The following NCK2 variants were observed in gnomAD, a reference collection of about 807,000 sequenced individuals.
NCK2 encodes cytoplasmic protein NCK2.
NCK2 carries 16 observed loss-of-function variants against 33.9 expected under a neutral mutation model. That is an observed-to-expected ratio of 0.47 (90% CI 0.32 to 0.72). NCK2 has a LOEUF of 0.72. NCK2 is among the 30% of genes least tolerant of loss of function. NCK2 has a pLI of 0.03. For synonymous variants in NCK2, 273 were observed against 239.9 expected, an observed-to-expected ratio of 1.14 and a Z score of -1.27; for missense variants, 418 against 537.3, an observed-to-expected ratio of 0.78 and a Z score of 2.19.
intron 1 of NCK2, among the ~76,000 whole-genome samples, chr2:105,786,323 A>G (rs1485324146): frequency 1.3e-5 from 2 of 152,250 alleles, no homozygotes; most frequent in African/African-American, 4.8e-5. Flanking sequence ...GGCTCTGAGC[A>G]CGGACTTGTT....
intron 3 of NCK2, among the ~76,000 whole-genome samples, chr2:105,878,390 G>A (rs1678321186): frequency 6.6e-6 from 1 of 152,172 alleles, no homozygotes; most frequent in Admixed American, 6.5e-5. Flanking sequence ...ACTGGGGTGG[G>A]CCCTCATCCA....
In NCK2 at chr2:105,793,995, C is replaced by T. The variant is rs539262549; in HGVS notation, c.-200-22435C>T. ...TTAAACATAATCTATTATAAATTCA[C>T]ATTGATACTTATAACTCAAAATTAG... is the stretch of plus-strand genomic sequence containing the variant. On this transcript the variant is annotated intron_variant, in intron 1 of 4. Coordinates refer to ENST00000233154, the MANE Select transcript of NCK2 (RefSeq NM_003581.5). Among the ~76,000 whole-genome samples, 12 of 150,710 alleles carry T rather than the reference C, an allele frequency of 8.0e-5. No homozygotes were observed. The South Asian group carries it at 2.5e-3, about 32-fold the overall frequency.
intron 1 of NCK2, among the ~76,000 whole-genome samples, chr2:105,794,917 A>G (rs1400189681): frequency 6.6e-6 from 1 of 151,582 alleles, no homozygotes; most frequent in Non-Finnish European, 1.5e-5. Flanking sequence ...TTGTATGACT[A>G]CTCTCTCTAT....
intron 2 of NCK2, among the ~76,000 whole-genome samples, chr2:105,820,415 C>T (rs576736829): frequency 2.0e-5 from 3 of 152,294 alleles, no homozygotes; most frequent in African/African-American, 7.2e-5. Context: ...TCAAGGTTTG[C>T]GTGCCTGGGG....
intron 1 of NCK2, among the ~76,000 whole-genome samples, chr2:105,768,991 A>G (rs115907432): frequency 0.019 from 2,866 of 151,778 alleles, 51 homozygotes; most frequent in Non-Finnish European, 0.022. Context: ...GTTGGGGTGT[A>G]GGGGGTGCAG....
chr2:105,786,223 G>A (rs1432612832), intron 1 of NCK2, among the ~76,000 whole-genome samples: 1 of 152,226 alleles, frequency 6.6e-6, no homozygotes, highest in Non-Finnish European at 1.5e-5. Context: ...AAAATTATGT[G>A]TACAAATGAC....
chr2:105,811,232 C>G (rs532139617), intron 1 of NCK2, among the ~76,000 whole-genome samples: 4 of 151,584 alleles, frequency 2.6e-5, no homozygotes, highest in Non-Finnish European at 5.9e-5. Flanking sequence ...TTTTTGGCAC[C>G]ACATCATCAA....
At chr2:105,837,117 C>T (rs1429721649) in intron 2 of NCK2, among the ~76,000 whole-genome samples, 1 of 152,148 alleles carries the variant, frequency 6.6e-6, no homozygotes, top group African/African-American at 2.4e-5. Flanking sequence ...GCTTCTGTCC[C>T]TCGGAGGGTC....
intron 1 of NCK2, among the ~76,000 whole-genome samples, chr2:105,784,215 C>T (rs575344959): frequency 5.3e-5 from 8 of 152,296 alleles, no homozygotes; most frequent in Admixed American, 2.0e-4. Flanking sequence ...GTAATCCGCC[C>T]GCCTCAGCCT....
rs1264859840 is a variant in NCK2, at chr2:105,881,682, C to T, written c.581C>T (p.Ser194Phe). The T allele has an allele frequency of 1.2e-6, 2 of 1,613,776 alleles. No individual in the cohort carries two copies. Among genetic ancestry groups the T allele is most frequent in the African/African-American group, 1.3e-5 (1 of 74,946 alleles). Residue 194 changes from serine (S) to phenylalanine (F), a missense_variant, in exon 4 of 5, where the codon TCC (serine) becomes TTC (phenylalanine). Ser to Phe is a radical substitution (Grantham distance 155, BLOSUM62 -2). Transcript: ENST00000233154. ...KGASLSNGQG[S>F]RVLHVVQTLY... is the part of the protein sequence containing the mutation. The stretch of plus-strand genomic sequence containing the variant: ...GCCTCGCTGAGCAATGGCCAGGGCT[C>T]CCGCGTGCTGCATGTGGTCCAGACG...
intron 3 of NCK2, among the ~76,000 whole-genome samples, chr2:105,868,010 T>C (rs1014821730): frequency 2.6e-5 from 4 of 152,180 alleles, no homozygotes; most frequent in Admixed American, 1.3e-4. Context: ...TCCATTTTAG[T>C]GTCTGTTTCC....
intron 1 of NCK2, among the ~76,000 whole-genome samples, chr2:105,789,643 G>T (rs570218169): frequency 6.6e-6 from 1 of 152,300 alleles, no homozygotes; most frequent in South Asian, 2.1e-4. Flanking sequence ...CCTGCCTTCG[G>T]AACCAGCTGT....
At chr2:105,871,125 G>A (rs141758759) in intron 3 of NCK2, among the ~76,000 whole-genome samples, 321 of 152,194 alleles carry the variant, frequency 2.1e-3, no homozygotes, top group African/African-American at 6.8e-3. Context: ...ATGAGACAGC[G>A]AGTGAGGTTT....
intron 1 of NCK2, among the ~76,000 whole-genome samples, chr2:105,750,333 T>G (rs1689418678): frequency 6.6e-6 from 1 of 152,100 alleles, no homozygotes; most frequent in African/African-American, 2.4e-5. Flanking sequence ...TAACCTTATT[T>G]ATGACCTTTT....
intron 1 of NCK2, among the ~76,000 whole-genome samples, chr2:105,777,139 C>T (rs1690333332): frequency 6.6e-6 from 1 of 152,058 alleles, no homozygotes; most frequent in African/African-American, 2.4e-5. Flanking sequence ...ATTCTGAGCC[C>T]ACGGCCCTGC....
At chr2:105,790,116 G>A (rs1037494923) in intron 1 of NCK2, among the ~76,000 whole-genome samples, 3 of 152,210 alleles carry the variant, frequency 2.0e-5, no homozygotes, top group African/African-American at 7.2e-5. Context: ...AGAATTAAAA[G>A]TTGATTTGTG....
Position 105,744,930 on chromosome 2 carries a change from C to T in NCK2, c.-409C>T, listed in dbSNP as rs1220024162. The T allele has an allele frequency of 6.9e-6, 1 of 145,808 alleles. No homozygotes were observed. Among genetic ancestry groups the T allele is most frequent in the African/African-American group, 2.5e-5 (1 of 40,632 alleles). The allele number at this position is 145,808 out of a possible 1,614,324, so 9.0% of individuals were successfully genotyped here. ...GATCGTCAGGCCGGAGCCGCGCGGC[C>T]GAGCGGGCGGCGGGCGGAGGGGAGG... On this transcript the variant is annotated 5_prime_UTR_variant, in exon 1 of 5. Transcript: ENST00000233154.
At chr2:105,833,017 T>A (rs1442724726) in intron 2 of NCK2, among the ~76,000 whole-genome samples, 32 of 134,788 alleles carry the variant, frequency 2.4e-4, no homozygotes, top group South Asian at 1.6e-3. Flanking sequence ...TTTTTTTTTT[T>A]AAATGGATTC....
intron 1 of NCK2, among the ~76,000 whole-genome samples, chr2:105,748,654 G>A (rs1298880611): frequency 6.6e-6 from 1 of 152,122 alleles, no homozygotes; most frequent in East Asian, 1.9e-4. Context: ...CTGGGCTCAA[G>A]TGAGCCTCCT....
Sources: gnomAD v4.1 joint callset for allele counts (sites outside exome capture counted in the v4.1 genomes callset) on GRCh38, gnomAD v4.1.1 for gene constraint, MANE v1.5 for transcripts, NCBI Gene and HGNC (gene_info 2026-07-23, HGNC 2026-07-21) for gene names.